The following SMCHD1 variants were observed in gnomAD, a reference collection of about 807,000 sequenced individuals.
The protein encoded by SMCHD1 is structural maintenance of chromosomes flexible hinge domain containing 1, also known as structural maintenance of chromosomes flexible hinge domain-containing protein 1.
Under a neutral mutation model 254.7 loss-of-function variants are expected in SMCHD1, and 78 were observed. The observed-to-expected ratio is 0.31, with a 90% CI of 0.26 to 0.37. The LOEUF is 0.37. Among genes scored for constraint, SMCHD1 ranks in the 10% least tolerant of loss-of-function variants. SMCHD1 has a pLI of 1.00. For synonymous variants in SMCHD1, 766 were observed against 794.9 expected, an observed-to-expected ratio of 0.96 and a Z score of 0.61; for missense variants, 1,840 against 2,408.1, an observed-to-expected ratio of 0.76 and a Z score of 4.94.
chr18:2,684,720 T>C (rs1037565767), intron 5 of SMCHD1, among the ~76,000 whole-genome samples: 12 of 151,538 alleles, frequency 7.9e-5, no homozygotes, highest in African/African-American at 2.9e-4. Flanking sequence ...TGTGTGTGTG[T>C]GTGTGTGTGT....
chr18:2,678,223 T>C (rs1454694781), intron 5 of SMCHD1, among the ~76,000 whole-genome samples: 7 of 139,066 alleles, frequency 5.0e-5, no homozygotes, highest in East Asian at 2.1e-4. Context: ...CTTTCTTTCT[T>C]TTTCTTTCTT....
At chr18:2,740,631 T>G (rs1001313329) in intron 27 of SMCHD1, 72 bp from the exon 28 acceptor site, 3 of 686,634 alleles carry the variant, frequency 4.4e-6, no homozygotes, top group Non-Finnish European at 6.7e-6. Flanking sequence ...AAGCATGTTT[T>G]TATAGTGTAT....
At chr18:2,783,396 G>T (rs1004030122) in intron 44 of SMCHD1, among the ~76,000 whole-genome samples, 2 of 152,092 alleles carry the variant, frequency 1.3e-5, no homozygotes, top group East Asian at 3.8e-4. Flanking sequence ...GTGTGTGTGT[G>T]TGCATTTTAA....
At chr18:2,658,361 T>C (rs1455819988) in intron 1 of SMCHD1, among the ~76,000 whole-genome samples, 1 of 152,246 alleles carries the variant, frequency 6.6e-6, no homozygotes, top group Non-Finnish European at 1.5e-5. Flanking sequence ...TGGTGACTCA[T>C]TACTCAGATA....
chr18:2,724,068 T>G (rs2074980010), intron 20 of SMCHD1, among the ~76,000 whole-genome samples: 1 of 150,470 alleles, frequency 6.6e-6, no homozygotes, highest in South Asian at 2.1e-4. Context: ...ATTAGTGGGA[T>G]TTTAAGAGAC....
At chr18:2,741,080 C>G (rs1305534927) in intron 28 of SMCHD1, among the ~76,000 whole-genome samples, 1 of 152,124 alleles carries the variant, frequency 6.6e-6, no homozygotes, top group African/African-American at 2.4e-5. Flanking sequence ...TTCCAGACAT[C>G]ATACCATTTT....
Position 2,700,744 on chromosome 18 carries a change from G to C in SMCHD1, c.1473G>C (p.Trp491Cys). The change falls in exon 12 of 48, where the codon TGG becomes TGC. Residue 491 changes from tryptophan (W) to cysteine (C), a missense_variant. By Grantham distance (215) the Trp-to-Cys change is radical. This residue lies in a region of SMCHD1 where 498 missense variants were observed against 743.5 expected (regional missense o/e 0.67). Coordinates refer to ENST00000320876, the MANE Select transcript of SMCHD1 (RefSeq NM_015295.3). Reference protein sequence around the residue: ...IPYTSVEDFDWCTPPKKRGLA... With the variant: ...IPYTSVEDFDCCTPPKKRGLA... ...TTTTGTTCTGTTCAAGCTTTGACTGGTGTACTCCTCCTAAGAAGAGAGGGC... is the reference window on the plus strand; with the variant it reads ...TTTTGTTCTGTTCAAGCTTTGACTGCTGTACTCCTCCTAAGAAGAGAGGGC... 6.2e-7 allele frequency: 1 copy of C among 1,610,094 alleles called. No homozygotes were observed. Among genetic ancestry groups the C allele is most frequent in the Non-Finnish European group, 8.5e-7 (1 of 1,178,120 alleles).
chr18:2,734,786 C>T (rs1317277303), intron 25 of SMCHD1, among the ~76,000 whole-genome samples: 2 of 151,852 alleles, frequency 1.3e-5, no homozygotes, highest in Non-Finnish European at 2.9e-5. Context: ...TAATTCACCA[C>T]GGGCCAGGCG....
chr18:2,661,848 C>G (rs2439770), intron 1 of SMCHD1, among the ~76,000 whole-genome samples: 23,282 of 151,908 alleles, frequency 0.15, 5,217 homozygotes, highest in African/African-American at 0.49. Flanking sequence ...GAAGAGTACT[C>G]AAAAAAATCT....
chr18:2,738,855 C>G (rs1312830499), intron 26 of SMCHD1, among the ~76,000 whole-genome samples: 1 of 152,110 alleles, frequency 6.6e-6, no homozygotes, highest in Non-Finnish European at 1.5e-5. Flanking sequence ...CAGTGTTGTT[C>G]AGAAGGAAAA....
intron 35 of SMCHD1, among the ~76,000 whole-genome samples, chr18:2,761,863 T>C (rs900932550): frequency 6.6e-6 from 1 of 152,190 alleles, no homozygotes; most frequent in Non-Finnish European, 1.5e-5. Context: ...TGATTACCTA[T>C]GTTTTTTAAT....
At chr18:2,711,440 G>A (rs73365828) in intron 17 of SMCHD1, among the ~76,000 whole-genome samples, 2 of 149,134 alleles carry the variant, frequency 1.3e-5, no homozygotes, top group Admixed American at 6.7e-5. Flanking sequence ...CATTCCAAGA[G>A]TAAATCTCAC....
intron 22 of SMCHD1, 184 bp from the exon 23 acceptor site, chr18:2,728,273 G>A: frequency 3.5e-6 from 2 of 566,746 alleles, no homozygotes; most frequent in Non-Finnish European, 6.1e-6. Flanking sequence ...GATAAGTCTT[G>A]TCATGTATTG....
intron 36 of SMCHD1, 42 bp from the exon 37 acceptor site, chr18:2,763,595 T>C: frequency 6.9e-7 from 1 of 1,455,614 alleles, no homozygotes. Context: ...GGTTTAATCT[T>C]CTCATCAGTT....
At position 2,697,117 on chromosome 18, in the gene SMCHD1, A is replaced by C. The variant is rs185618962; in HGVS notation, c.1126A>C (p.Ile376Leu). Reference protein sequence around the residue: ...KEVEPFNNIDIEISMFEKGKV... With the variant: ...KEVEPFNNIDLEISMFEKGKV... ...AGTTGAACCTTTCAACAATATTGAT[A>C]TTGAAGTAAGAGAAAAATCCATCTT... The change falls in exon 9 of 48, where the codon ATT becomes CTT. Residue 376 changes from isoleucine (I) to leucine (L), a missense_variant. Around this residue, in one of 9 missense-constraint regions of SMCHD1, gnomAD observed 498 missense variants for 743.5 expected, o/e 0.67. Coordinates refer to ENST00000320876, the MANE Select transcript of SMCHD1 (RefSeq NM_015295.3). The C allele has an allele frequency of 7.1e-7, 1 of 1,405,706 alleles. No individual in the cohort carries two copies. Among genetic ancestry groups the C allele is most frequent in the East Asian group, 2.5e-5 (1 of 39,322 alleles). The allele number at this position is 1,405,706 out of a possible 1,614,324, so 87.1% of individuals were successfully genotyped here.
At chr18:2,798,561 G>GTT (rs1380936406) in intron 47 of SMCHD1, among the ~76,000 whole-genome samples, 1 of 152,134 alleles carries the variant, frequency 6.6e-6, no homozygotes, top group African/African-American at 2.4e-5. Flanking sequence ...TTTCCAAATA[G>GTT]TTACAGAAAG....
chr18:2,771,220 GCCT>G (rs2075978602), intron 39 of SMCHD1, among the ~76,000 whole-genome samples: 16 of 152,264 alleles, frequency 1.1e-4, no homozygotes, highest in Admixed American at 9.2e-4. Flanking sequence ...TTTGAGAACA[GCCT>G]TGTGCAATTA....
At chr18:2,706,216 T>C (rs1397872613) in intron 14 of SMCHD1, 148 bp from the exon 15 acceptor site, 1 of 518,036 alleles carries the variant, frequency 1.9e-6, no homozygotes, top group East Asian at 3.2e-5. Context: ...AAACAAACAT[T>C]GTGGTGTAAC....
intron 5 of SMCHD1, among the ~76,000 whole-genome samples, chr18:2,676,576 A>G (rs2073754304): frequency 6.6e-6 from 1 of 152,198 alleles, no homozygotes. Flanking sequence ...AGGGGAGAGT[A>G]GAGGGAGATG....
Sources: allele counts gnomAD v4.1 joint callset (sites outside exome capture counted in the v4.1 genomes callset), GRCh38; gene constraint gnomAD v4.1.1; regional missense constraint gnomAD v4.1.1; transcripts MANE v1.5; gene names NCBI Gene and HGNC (gene_info 2026-07-23, HGNC 2026-07-21).